Variants in PKNOX2 observed in about 807,000 individuals in gnomAD.
PKNOX2 encodes homeobox protein PKNOX2.
In PKNOX2, 14 loss-of-function variants were observed where a neutral mutation model predicts 53.1. That is an observed-to-expected ratio of 0.26 (90% CI 0.17 to 0.41). PKNOX2 has a LOEUF of 0.41. PKNOX2 is among the 10% of genes least tolerant of loss of function. The pLI is 1.00. For missense variants in PKNOX2, 496 were observed against 602.8 expected (o/e 0.82, Z 1.85); for synonymous variants, 257 against 242.8 (o/e 1.06, Z -0.54).
At chr11:125,196,444 C>T (rs1017271344) in intron 1 of PKNOX2, among the ~76,000 whole-genome samples, 1 of 152,190 alleles carries the variant, frequency 6.6e-6, no homozygotes, top group Non-Finnish European at 1.5e-5. Flanking sequence ...CACCAGATCC[C>T]AAGTGGTTGG....
At chr11:125,366,192 G>T (rs903195193) in intron 4 of PKNOX2, among the ~76,000 whole-genome samples, 2 of 152,132 alleles carry the variant, frequency 1.3e-5, no homozygotes, top group Non-Finnish European at 2.9e-5. Context: ...TAAAGAATTT[G>T]CCCAAGGTCA....
At chr11:125,365,091 T>C (rs1476859478) in intron 4 of PKNOX2, among the ~76,000 whole-genome samples, 1 of 152,142 alleles carries the variant, frequency 6.6e-6, no homozygotes, top group Non-Finnish European at 1.5e-5. Flanking sequence ...CATACAGAAC[T>C]GATATAATCA....
chr11:125,256,628 G>C (rs1944417996), intron 2 of PKNOX2, among the ~76,000 whole-genome samples: 1 of 152,116 alleles, frequency 6.6e-6, no homozygotes, highest in Admixed American at 6.5e-5. Flanking sequence ...GCCTCCCCCT[G>C]CCAGTCCTCA....
intron 2 of PKNOX2, among the ~76,000 whole-genome samples, chr11:125,272,930 G>A (rs536955202): frequency 5.9e-5 from 9 of 152,354 alleles, no homozygotes; most frequent in Admixed American, 3.3e-4. Flanking sequence ...TGGCCGAAGC[G>A]CAGGGAGAAT....
chr11:125,426,923 G>T (rs182397412), intron 10 of PKNOX2, among the ~76,000 whole-genome samples: 12 of 152,344 alleles, frequency 7.9e-5, no homozygotes, highest in African/African-American at 2.9e-4. Flanking sequence ...TCTGTGGCAG[G>T]CCCTCACAGA....
chr11:125,411,465 T>C (rs1024788443), intron 9 of PKNOX2: 2 of 125,932 alleles, frequency 1.6e-5, no homozygotes, highest in Non-Finnish European at 3.4e-5. Context: ...TCTGTCTTTC[T>C]CTCTCTCTCT....
chr11:125,360,964 C>T (rs1343838127), intron 4 of PKNOX2, among the ~76,000 whole-genome samples: 4 of 152,222 alleles, frequency 2.6e-5, no homozygotes. Flanking sequence ...CCCAGCACAG[C>T]GTGCTCTGTC....
Position 125,358,236 on chromosome 11 carries a change from A to G in PKNOX2, c.87+6844A>G, listed in dbSNP as rs147442684. Among the ~76,000 whole-genome samples the G allele has an allele frequency of 3.3e-3, 502 of 152,364 alleles. 4 individuals carry two copies. Among genetic ancestry groups the G allele is most frequent in the African/African-American group, 0.012 (479 of 41,588 alleles). On this transcript the variant is annotated intron_variant, in intron 4 of 12. Coordinates refer to ENST00000298282, the MANE Select transcript of PKNOX2 (RefSeq NM_001382323.2). ...GCATGTCAAATAGGTTTTACCAGCTATGAACACCCCCTTACACACACGCAC... is the reference window on the plus strand; with the variant it reads ...GCATGTCAAATAGGTTTTACCAGCTGTGAACACCCCCTTACACACACGCAC...
intron 5 of PKNOX2, among the ~76,000 whole-genome samples, chr11:125,372,329 C>CA (rs902012683): frequency 2.8e-4 from 43 of 152,152 alleles, no homozygotes; most frequent in African/African-American, 1.0e-3. Flanking sequence ...CCTCAAAGCC[C>CA]AAACCCCACC....
At chr11:125,417,667 A>G (rs963172768) in intron 10 of PKNOX2, among the ~76,000 whole-genome samples, 2 of 152,010 alleles carry the variant, frequency 1.3e-5, no homozygotes, top group African/African-American at 4.8e-5. Context: ...CTTGGCTCCC[A>G]TGCAAAGTCT....
At chr11:125,241,437 C>T (rs1943140168) in intron 2 of PKNOX2, among the ~76,000 whole-genome samples, 1 of 152,194 alleles carries the variant, frequency 6.6e-6, no homozygotes, top group South Asian at 2.1e-4. Flanking sequence ...TGCCTGTAGA[C>T]CATCACAAGA....
chr11:125,346,488 G>A (rs1007385438), intron 3 of PKNOX2, among the ~76,000 whole-genome samples: 2 of 152,208 alleles, frequency 1.3e-5, no homozygotes, highest in African/African-American at 4.8e-5. Flanking sequence ...TCTACTGGAT[G>A]TGGAATCCAG....
At chr11:125,179,051 C>A (rs1034864625) in intron 1 of PKNOX2, among the ~76,000 whole-genome samples, 4 of 152,132 alleles carry the variant, frequency 2.6e-5, no homozygotes, top group Admixed American at 6.5e-5. Flanking sequence ...CTGGCCACAC[C>A]CGTAGAACCA....
At chr11:125,310,340 C>CA (rs1948726218) in intron 2 of PKNOX2, among the ~76,000 whole-genome samples, 1 of 151,768 alleles carries the variant, frequency 6.6e-6, no homozygotes. Context: ...ACTAAAAATA[C>CA]AAAAATTAAC....
intron 1 of PKNOX2, among the ~76,000 whole-genome samples, chr11:125,219,557 A>G (rs990847988): frequency 2.0e-5 from 3 of 152,248 alleles, no homozygotes; most frequent in Non-Finnish European, 4.4e-5. Flanking sequence ...AAAAATTAAC[A>G]ACAACAAAAA....
chr11:125,319,421 A>C (rs1949390014), intron 2 of PKNOX2, among the ~76,000 whole-genome samples: 1 of 152,232 alleles, frequency 6.6e-6, no homozygotes, highest in African/African-American at 2.4e-5. Flanking sequence ...TTGTACTGAT[A>C]AACTTGCTCA....
chr11:125,200,903 C>A (rs1434882151), intron 1 of PKNOX2, among the ~76,000 whole-genome samples: 1 of 152,190 alleles, frequency 6.6e-6, no homozygotes, highest in Non-Finnish European at 1.5e-5. Flanking sequence ...CCCCTCTAGA[C>A]CGTGTGATCC....
intron 1 of PKNOX2, among the ~76,000 whole-genome samples, chr11:125,193,007 G>A (rs554834955): frequency 1.1e-4 from 17 of 152,348 alleles, no homozygotes; most frequent in Admixed American, 5.9e-4. Context: ...ACCACTTGCC[G>A]GGTGGGACCC....
intron 5 of PKNOX2, among the ~76,000 whole-genome samples, chr11:125,373,952 A>G (rs998102891): frequency 7.9e-5 from 12 of 152,060 alleles, no homozygotes; most frequent in African/African-American, 2.9e-4. Context: ...CACGCTACCA[A>G]TCCTGGGGCT....
Sources: allele counts gnomAD v4.1 joint callset (sites outside exome capture counted in the v4.1 genomes callset), GRCh38; gene constraint gnomAD v4.1.1; transcripts MANE v1.5; gene names NCBI Gene and HGNC (gene_info 2026-07-23, HGNC 2026-07-21).